The following DPYD variants were observed in gnomAD, a reference collection of about 807,000 sequenced individuals.
DPYD encodes dihydropyrimidine dehydrogenase [NADP(+)].
A neutral mutation model predicts 116.2 loss-of-function variants in DPYD; 109 were observed. That is an observed-to-expected ratio of 0.94 (90% CI 0.80 to 1.10). The LOEUF (loss-of-function observed/expected upper bound fraction) is 1.10, where lower values mean the gene tolerates loss of function less well. Among genes scored for constraint, DPYD ranks in the 50% least tolerant of loss-of-function variants. The probability of loss-of-function intolerance (pLI) is 0.00; values close to 1 mark genes in which losing one functional copy is unlikely to be tolerated. For synonymous variants in DPYD, 440 were observed against 432.0 expected, an observed-to-expected ratio of 1.02 and a Z score of -0.23; for missense variants, 1,302 against 1,254.5, an observed-to-expected ratio of 1.04 and a Z score of -0.57.
intron 3 of DPYD, among the ~76,000 whole-genome samples, chr1:97,808,543 T>C (rs374858562): frequency 2.6e-5 from 4 of 152,126 alleles, no homozygotes; most frequent in African/African-American, 9.6e-5. Flanking sequence ...TAGGATTTCC[T>C]ACATGGACAA....
chr1:97,728,245 C>T (rs938964238), intron 4 of DPYD, among the ~76,000 whole-genome samples: 1 of 152,050 alleles, frequency 6.6e-6, no homozygotes, highest in Non-Finnish European at 1.5e-5. Flanking sequence ...CTTTGGCCCA[C>T]TAATTTACCC....
At chr1:97,080,425 A>AT (rs1205163494) in intron 22 of DPYD, among the ~76,000 whole-genome samples, 1 of 151,958 alleles carries the variant, frequency 6.6e-6, no homozygotes, top group Non-Finnish European at 1.5e-5. Context: ...ATGCAACTAT[A>AT]TTTTTTCTCT....
At chr1:97,809,705 T>C (rs1218062111) in intron 3 of DPYD, among the ~76,000 whole-genome samples, 1 of 152,112 alleles carries the variant, frequency 6.6e-6, no homozygotes, top group East Asian at 1.9e-4. Context: ...CAGAATTAAG[T>C]GTCTGAGGTA....
intron 15 of DPYD, among the ~76,000 whole-genome samples, chr1:97,375,784 C>A (rs924193242): frequency 2.0e-5 from 3 of 152,182 alleles, no homozygotes; most frequent in African/African-American, 7.2e-5. Flanking sequence ...TTGTATAGTG[C>A]AAGTATACAC....
intron 2 of DPYD, among the ~76,000 whole-genome samples, chr1:97,858,793 G>A (rs776033516): frequency 1.7e-4 from 26 of 152,056 alleles, no homozygotes; most frequent in Non-Finnish European, 3.7e-4. Flanking sequence ...CTTTGCTACT[G>A]TCAAAACAAT....
chr1:97,670,829 C>T (rs17117052), intron 8 of DPYD, among the ~76,000 whole-genome samples: 3,393 of 152,110 alleles, frequency 0.022, 180 homozygotes, highest in Admixed American at 0.11. Context: ...TTAATTAAAC[C>T]ATTGGAAACT....
At chr1:97,744,595 G>A (rs1664444158) in intron 3 of DPYD, among the ~76,000 whole-genome samples, 1 of 151,874 alleles carries the variant, frequency 6.6e-6, no homozygotes, top group Non-Finnish European at 1.5e-5. Flanking sequence ...ATATATAATG[G>A]CATTAAGCAA....
At chr1:97,313,286 G>A (rs1667620808) in intron 16 of DPYD, among the ~76,000 whole-genome samples, 1 of 151,842 alleles carries the variant, frequency 6.6e-6, no homozygotes, top group African/African-American at 2.4e-5. Context: ...TGAGAGTACA[G>A]TATACTGGGT....
chr1:97,780,341 C>T (rs1330255900), intron 3 of DPYD, among the ~76,000 whole-genome samples: 1 of 152,170 alleles, frequency 6.6e-6, no homozygotes, highest in Non-Finnish European at 1.5e-5. Context: ...ATTCAGTAAA[C>T]TTTTCCATAT....
rs74108405 is a variant in DPYD, at chr1:97,812,483, C to A, written c.233+15631G>T. Among the ~76,000 whole-genome samples, 741 of 152,076 alleles carry A rather than the reference C, an allele frequency of 4.9e-3. 22 individuals are homozygous for A. The highest frequency in any genetic ancestry group is 1.5e-3 in the Non-Finnish European group (103 of 67,952). ...TATAATATTTATGTATGTCTTCAAA[C>A]ACTAAGGACTTTTTTCCAAAGTACA... On this transcript the variant is annotated intron_variant, in intron 3 of 22. Transcript: ENST00000370192.
In DPYD at chr1:97,694,609, T is replaced by C. The variant is rs934438541; in HGVS notation, c.681-2811A>G. Among the ~76,000 whole-genome samples the C allele has an allele frequency of 3.3e-5, 5 of 152,234 alleles. No individual in the cohort carries two copies. The East Asian group carries it at 9.7e-4, about 29-fold the overall frequency. ...TTTGGTTCTTGCATCCCAACACTGG[T>C]CCTCAGACAACCCCATTTTATGAGT... On this transcript the variant is annotated intron_variant, in intron 6 of 22. Transcript: ENST00000370192.
chr1:97,324,179 G>T (rs1055683482), intron 16 of DPYD, among the ~76,000 whole-genome samples: 1 of 151,958 alleles, frequency 6.6e-6, no homozygotes, highest in Non-Finnish European at 1.5e-5. Flanking sequence ...TAAGCCTGCT[G>T]TTCCTGCCTT....
intron 1 of DPYD, among the ~76,000 whole-genome samples, chr1:97,895,377 G>A (rs1673005533): frequency 6.6e-6 from 1 of 151,642 alleles, no homozygotes; most frequent in East Asian, 1.9e-4. Flanking sequence ...GGACTTCAAG[G>A]GAAAGATGAA....
At chr1:97,565,041 C>G (rs1430015415) in intron 11 of DPYD, among the ~76,000 whole-genome samples, 1 of 151,932 alleles carries the variant, frequency 6.6e-6, no homozygotes, top group Non-Finnish European at 1.5e-5. Context: ...TATAATCCAC[C>G]CTGGTCAAAC....
intron 10 of DPYD, among the ~76,000 whole-genome samples, chr1:97,576,524 A>G (rs141770955): frequency 6.6e-6 from 1 of 152,214 alleles, no homozygotes; most frequent in Non-Finnish European, 1.5e-5. Flanking sequence ...ATTTGGAAAC[A>G]AAAAATTGGA....
intron 16 of DPYD, among the ~76,000 whole-genome samples, chr1:97,346,992 A>G (rs1421573956): frequency 1.3e-5 from 2 of 151,750 alleles, no homozygotes; most frequent in African/African-American, 2.4e-5. Context: ...AAACATCCAT[A>G]TAAATATATA....
chr1:97,180,210 C>A (rs189561862), intron 20 of DPYD, among the ~76,000 whole-genome samples: 1 of 152,024 alleles, frequency 6.6e-6, no homozygotes, highest in Admixed American at 6.6e-5. Flanking sequence ...GACAAATTGG[C>A]ATAAAGCTCA....
chr1:97,585,705 C>A (rs1331394211), intron 10 of DPYD, among the ~76,000 whole-genome samples: 5 of 151,998 alleles, frequency 3.3e-5, no homozygotes, highest in Non-Finnish European at 7.4e-5. Context: ...ATACAAATTA[C>A]TTTTTAATAT....
intron 20 of DPYD, among the ~76,000 whole-genome samples, chr1:97,124,429 A>T (rs1652678418): frequency 6.6e-6 from 1 of 152,110 alleles, no homozygotes; most frequent in Non-Finnish European, 1.5e-5. Flanking sequence ...TTTTAAAAAC[A>T]TGGAGAGCTA....
Sources: gnomAD v4.1 joint callset for allele counts (sites outside exome capture counted in the v4.1 genomes callset) on GRCh38, gnomAD v4.1.1 for gene constraint, MANE v1.5 for transcripts, NCBI Gene and HGNC (gene_info 2026-07-23, HGNC 2026-07-21) for gene names.